The following PEAK3 variants were observed in gnomAD, a reference collection of about 807,000 sequenced individuals.
PEAK3 encodes protein PEAK3.
Under a neutral mutation model 13.3 loss-of-function variants are expected in PEAK3, and 15 were observed. The ratio of observed to expected loss-of-function variants is 1.13; its 90% CI spans 0.75 to 1.73. The LOEUF (loss-of-function observed/expected upper bound fraction) is 1.73, where lower values mean the gene tolerates loss of function less well. Ranked by LOEUF, PEAK3 falls within the 40% of genes most tolerant of loss-of-function variation. PEAK3 has a pLI of 0.00. For missense variants in PEAK3, 739 were observed against 690.2 expected, an observed-to-expected ratio of 1.07 and a Z score of -0.79; for synonymous variants, 347 against 341.9, an observed-to-expected ratio of 1.01 and a Z score of -0.17.
Position 2,276,278 on chromosome 19 carries a change from T to C in PEAK3, c.824A>G (p.Glu275Gly), listed in dbSNP as rs775365909. The C allele has an allele frequency of 5.0e-6, 8 of 1,592,046 alleles. No homozygotes were observed. The highest frequency in any genetic ancestry group is 6.8e-6 in the Non-Finnish European group (8 of 1,176,050). Reference sequence around the variant, plus strand: ...CAGGGCCACAGCCCACACGAACTCCTCCGGCGGCTGCGTGCAGGCCTCCGC... The same window carrying C: ...CAGGGCCACAGCCCACACGAACTCCCCCGGCGGCTGCGTGCAGGCCTCCGC... ...WLAEACTQPPEEFVWAVALLL... is the reference protein window; with the variant it reads ...WLAEACTQPPGEFVWAVALLL... The change falls in exon 4 of 4, where the codon GAG becomes GGG. Residue 275 changes from glutamate (E) to glycine (G), a missense_variant. By Grantham distance (98) the Glu-to-Gly change is moderately conservative. Coordinates refer to ENST00000342063, the MANE Select transcript of PEAK3 (RefSeq NM_198532.3).
chr19:2,275,941 C>T lies in PEAK3; in HGVS notation c.1161G>A (p.Ser387=), dbSNP rs1187210244. The T allele has an allele frequency of 6.5e-6, 9 of 1,388,624 alleles. No homozygotes were observed. Among genetic ancestry groups the T allele is most frequent in the Non-Finnish European group, 7.4e-6 (8 of 1,079,338 alleles). 86.0% of individuals were successfully genotyped at this position (1,388,624 alleles called of 1,614,324 possible). A position where few individuals can be genotyped will look rare whatever the true frequency, so the allele number is the denominator to read the frequency against. ...GCAGCGCGCCCCGCGTCCGGGACGC[C>T]GAGGGCCGCAAGCGGGTCAGCTGTG... ...LAAQLTRLRP[S]ASRTRGALQA... The change falls in exon 4 of 4, where the codon TCG becomes TCA. Residue 387 remains serine, a synonymous_variant. Transcript: ENST00000342063.
At chr19:2,277,335 G>A (rs766836469) in intron 3 of PEAK3, among the ~76,000 whole-genome samples, 3 of 151,912 alleles carry the variant, frequency 2.0e-5, no homozygotes, top group Admixed American at 6.6e-5. Context: ...GTGAGTTCTC[G>A]TGAGATCTGG....
rs1004609648 is a variant in PEAK3, at chr19:2,274,776, T to C, written c.*904A>G. ...TCACGAGGTCAGGAGATGGAGACCA[T>C]CCTGGCTAACACGGAGAAACCCCGT... is the stretch of plus-strand genomic sequence containing the variant. On this transcript the variant is annotated 3_prime_UTR_variant, in exon 4 of 4. Coordinates refer to ENST00000342063, the MANE Select transcript of PEAK3 (RefSeq NM_198532.3). The C allele has an allele frequency of 2.7e-5, 4 of 150,276 alleles. No individual in the cohort carries two copies. Among genetic ancestry groups the C allele is most frequent in the Non-Finnish European group, 5.9e-5 (4 of 67,676 alleles). 9.3% of individuals were successfully genotyped at this position (150,276 alleles called of 1,614,324 possible).
In PEAK3 at chr19:2,276,306, G is replaced by A. The variant is rs778397324; in HGVS notation, c.796C>T (p.Leu266=). The A allele has an allele frequency of 1.3e-6, 2 of 1,597,552 alleles. No individual in the cohort carries two copies. Among genetic ancestry groups the A allele is most frequent in the African/African-American group, 1.3e-5 (1 of 74,812 alleles). The change falls in exon 4 of 4, where the codon CTG becomes TTG. Residue 266 remains leucine, a synonymous_variant. Coordinates refer to ENST00000342063, the MANE Select transcript of PEAK3 (RefSeq NM_198532.3). ...EVPERTVAQW[L]AEACTQPPEE... is the part of the protein sequence containing the mutation. ...GGCGGCTGCGTGCAGGCCTCCGCCAGCCACTGCGCCACCGTGCGCTCTGGA... is the reference window on the plus strand; with the variant it reads ...GGCGGCTGCGTGCAGGCCTCCGCCAACCACTGCGCCACCGTGCGCTCTGGA...
At chr19:2,277,534 T>C (rs1340150976) in intron 3 of PEAK3, among the ~76,000 whole-genome samples, 2 of 152,006 alleles carry the variant, frequency 1.3e-5, no homozygotes, top group African/African-American at 4.8e-5. Flanking sequence ...AGTATTCCTT[T>C]TTCTTTTCTT....
chr19:2,281,062 A>T, intron 1 of PEAK3, 127 bp from the exon 2 acceptor site: 1 of 589,002 alleles, frequency 1.7e-6, no homozygotes, highest in South Asian at 2.1e-5. Flanking sequence ...GCCCTTGGTG[A>T]GAACAGGCGC....
intron 1 of PEAK3, 147 bp downstream of exon 1, chr19:2,281,940 G>C (rs762344428): frequency 5.2e-5 from 8 of 153,238 alleles, no homozygotes; most frequent in Middle Eastern, 3.4e-3. Context: ...AGTGTCCAGG[G>C]ACCCAGGGAT....
Position 2,275,845 on chromosome 19 carries a change from C to G in PEAK3, c.1257G>C (p.Ala419=). Residue 419 remains alanine, a synonymous_variant, in exon 4 of 4, where the codon GCG becomes GCC. Coordinates refer to ENST00000342063, the MANE Select transcript of PEAK3 (RefSeq NM_198532.3). ...GGCGCACCCGCAGCCAGGGCCCGAG[C>G]GCTCGGAGCCAGGGACCAAGCGGTG... ...RGAPLGPWLR[A]LGPWLRVRRG... is the part of the protein sequence containing the mutation. 2.7e-6 allele frequency: 4 copies of G among 1,493,240 alleles called. No individual in the cohort carries two copies. Among genetic ancestry groups the G allele is most frequent in the Non-Finnish European group, 3.5e-6 (4 of 1,127,398 alleles). 92.5% of individuals were successfully genotyped at this position (1,493,240 alleles called of 1,614,324 possible).
chr19:2,279,270 G>A (rs1406866243), intron 2 of PEAK3, among the ~76,000 whole-genome samples, 157 bp from the exon 3 acceptor site: 1 of 147,922 alleles, frequency 6.8e-6, no homozygotes. Flanking sequence ...TTAGGAAGGT[G>A]GAAGCCGAGG....
At position 2,277,797 on chromosome 19, in the gene PEAK3, C is replaced by A. The variant is rs149965765; in HGVS notation, c.612+787G>T. Among the ~76,000 whole-genome samples the A allele has an allele frequency of 5.1e-3, 773 of 151,130 alleles. 7 individuals carry two copies. Among genetic ancestry groups the A allele is most frequent in the Middle Eastern group, 0.017 (5 of 288 alleles). On this transcript the variant is annotated intron_variant, in intron 3 of 3. Coordinates refer to ENST00000342063, the MANE Select transcript of PEAK3 (RefSeq NM_198532.3). ...GGCCAGGCTGGTCTCGAACTCCTGA[C>A]CTCATGATCTGCCCGCCTTGGCCTT...
At position 2,276,179 on chromosome 19, in the gene PEAK3, T is replaced by TCCGG; in HGVS notation, c.919_922dup (p.Glu308AlafsTer24). On this transcript the variant is annotated frameshift_variant, in exon 4 of 4. Transcript: ENST00000342063. LOFTEE classifies it low-confidence loss of function (END_TRUNC). The stretch of plus-strand genomic sequence containing the variant: ...CCGAGGTGCCACCAGCAGCAAGTTC[T>TCCGG]CCGGCCGCAACTCGACTAGGGCCGC... 6.5e-7 allele frequency: 1 copy of TCCGG among 1,549,784 alleles called. No homozygotes were observed. The highest frequency in any genetic ancestry group is 8.7e-7 in the Non-Finnish European group (1 of 1,149,458).
At position 2,276,159 on chromosome 19, in the gene PEAK3, G is replaced by A; in HGVS notation, c.943C>T (p.Pro315Ser). 6.5e-7 allele frequency: 1 copy of A among 1,546,464 alleles called. No individual in the cohort carries two copies. Among genetic ancestry groups the A allele is most frequent in the Non-Finnish European group, 8.7e-7 (1 of 1,147,180 alleles). Residue 315 changes from proline to serine, a missense_variant, in exon 4 of 4, where the codon CCT becomes TCT. Coordinates refer to ENST00000342063, the MANE Select transcript of PEAK3 (RefSeq NM_198532.3). ...LRPENLLLVA[P>S]RGCATTGPPR... ...GGCCCCGTCGTCGCACAGCCCCGAGGTGCCACCAGCAGCAAGTTCTCCGGC... is the reference window on the plus strand; with the variant it reads ...GGCCCCGTCGTCGCACAGCCCCGAGATGCCACCAGCAGCAAGTTCTCCGGC...
rs771063954 is a variant in PEAK3, at chr19:2,280,914, G to A, written c.18C>T (p.Pro6=). The A allele has an allele frequency of 6.4e-7, 1 of 1,571,286 alleles. No homozygotes were observed. Among genetic ancestry groups the A allele is most frequent in the East Asian group, 2.3e-5 (1 of 43,174 alleles). The change falls in exon 2 of 4, where the codon CCC becomes CCT. Residue 6 remains proline, a synonymous_variant. Transcript: ENST00000342063. ...TGTCGGGCTCGGGGGGCTCTGTGGG[G>A]GGCTCCGGGCTGCTCATGTTGCTGG... MSSPE[P]PTEPPEPDNP...
intron 2 of PEAK3, among the ~76,000 whole-genome samples, chr19:2,280,052 C>A (rs970788089): frequency 9.7e-6 from 1 of 103,072 alleles, no homozygotes; most frequent in Non-Finnish European, 1.9e-5. Flanking sequence ...TTGCACCTGG[C>A]CTTTTTTTTT....
intron 1 of PEAK3, 141 bp from the exon 2 acceptor site, chr19:2,281,076 C>T (rs2025435015): frequency 3.5e-6 from 2 of 569,042 alleles, no homozygotes; most frequent in Admixed American, 3.5e-5. Context: ...CAGGCGCACC[C>T]ACACTCCACT....
chr19:2,276,516 CT>C, intron 3 of PEAK3, 27 bp from the exon 4 acceptor site: 1 of 1,460,220 alleles, frequency 6.8e-7, no homozygotes, highest in Non-Finnish European at 9.0e-7. Flanking sequence ...GTGTCGGGGC[CT>C]GGATCACTGG....
Position 2,275,893 on chromosome 19 carries a change from C to A in PEAK3, c.1209G>T (p.Gly403=). 7.1e-7 allele frequency: 1 copy of A among 1,402,098 alleles called. No homozygotes were observed. The highest frequency in any genetic ancestry group is 3.4e-5 in the Admixed American group (1 of 29,128). The allele number at this position is 1,402,098 out of a possible 1,614,324, so 86.9% of individuals were successfully genotyped here. ...GALQALLWGP[G]PELRGRGAPL... ...GTGCTCCGCGGCCGCGCAGCTCAGG[C>A]CCGGGCCCCCAGAGCAGCGCCTGCA... The change falls in exon 4 of 4, where the codon GGG becomes GGT. Residue 403 remains glycine, a synonymous_variant. Transcript: ENST00000342063.
Position 2,275,113 on chromosome 19 carries a change from T to C in PEAK3, c.*567A>G, listed in dbSNP as rs2025371797. ...TGGCAGGGAACCGCGGGGACTGTTT[T>C]AGGGAAGGTGAGTCCAGACCCCGCT... On this transcript the variant is annotated 3_prime_UTR_variant, in exon 4 of 4. Coordinates refer to ENST00000342063, the MANE Select transcript of PEAK3 (RefSeq NM_198532.3). The C allele has an allele frequency of 6.6e-6, 1 of 151,958 alleles. No homozygotes were observed. Among genetic ancestry groups the C allele is most frequent in the Admixed American group, 6.6e-5 (1 of 15,236 alleles). The allele number at this position is 151,958 out of a possible 1,614,324, so 9.4% of individuals were successfully genotyped here.
At chr19:2,281,076 C>A in intron 1 of PEAK3, 141 bp from the exon 2 acceptor site, 1 of 569,042 alleles carries the variant, frequency 1.8e-6, no homozygotes, top group Non-Finnish European at 3.1e-6. Flanking sequence ...CAGGCGCACC[C>A]ACACTCCACT....
Sources: gnomAD v4.1 joint callset for allele counts (sites outside exome capture counted in the v4.1 genomes callset) on GRCh38, gnomAD v4.1.1 for gene constraint, MANE v1.5 for transcripts, NCBI Gene and HGNC (gene_info 2026-07-23, HGNC 2026-07-21) for gene names.